The following IGF2BP1 variants were observed in gnomAD, a reference collection of about 807,000 sequenced individuals.
IGF2BP1 encodes insulin like growth factor 2 mRNA binding protein 1.
In IGF2BP1, 11 loss-of-function variants were observed where a neutral mutation model predicts 74.9. The observed-to-expected ratio is 0.15, with a 90% CI of 0.09 to 0.24. The LOEUF (loss-of-function observed/expected upper bound fraction) is 0.24, where lower values mean the gene tolerates loss of function less well. IGF2BP1 is among the 10% of genes least tolerant of loss of function. IGF2BP1 has a pLI of 1.00. For synonymous variants in IGF2BP1, 287 were observed against 281.8 expected (o/e 1.02, Z -0.18); for missense variants, 440 against 757.4 (o/e 0.58, Z 4.92).
chr17:49,020,173 A>G (rs983440678), intron 2 of IGF2BP1, among the ~76,000 whole-genome samples: 12 of 151,450 alleles, frequency 7.9e-5, no homozygotes, highest in Non-Finnish European at 1.5e-4. Context: ...GCTTCAAAGT[A>G]GCTGGGGTTA....
At chr17:49,001,679 A>G (rs1016285289) in intron 2 of IGF2BP1, among the ~76,000 whole-genome samples, 10 of 152,194 alleles carry the variant, frequency 6.6e-5, no homozygotes, top group African/African-American at 1.9e-4. Flanking sequence ...CACCATCTCA[A>G]ACCCCCTTAG....
In IGF2BP1 at chr17:49,051,157, TTTTG is replaced by T. The variant is rs2042162543; in HGVS notation, c.*1717_*1720del. The T allele has an allele frequency of 6.6e-6, 1 of 152,634 alleles. No individual in the cohort carries two copies. Among genetic ancestry groups the T allele is most frequent in the African/African-American group, 2.4e-5 (1 of 41,460 alleles). The allele number at this position is 152,634 out of a possible 1,614,324, so 9.5% of individuals were successfully genotyped here. A position where few individuals can be genotyped will look rare whatever the true frequency, so the allele number is the denominator to read the frequency against. ...CCCATTAAAAAAATTTTTTTTTGAT[TTTTG>T]TTTTTTTGCAGCTTGCTGATATTTT... On this transcript the variant is annotated 3_prime_UTR_variant, in exon 15 of 15. Coordinates refer to ENST00000290341, the MANE Select transcript of IGF2BP1 (RefSeq NM_006546.4).
chr17:49,043,797 G>T (rs1033850654), intron 10 of IGF2BP1, among the ~76,000 whole-genome samples, 170 bp from the exon 11 acceptor site: 2 of 152,180 alleles, frequency 1.3e-5, no homozygotes, highest in East Asian at 3.9e-4. Context: ...CTTCCCTTTA[G>T]CCCTACTGGG....
At chr17:49,032,043 C>T in intron 5 of IGF2BP1, 70 bp downstream of exon 5, 1 of 1,369,384 alleles carries the variant, frequency 7.3e-7, no homozygotes, top group South Asian at 1.2e-5. Flanking sequence ...TGAGCCTGGT[C>T]CCACTTTTTC....
At chr17:49,003,285 G>T (rs946082561) in intron 2 of IGF2BP1, among the ~76,000 whole-genome samples, 3 of 152,026 alleles carry the variant, frequency 2.0e-5, no homozygotes, top group Admixed American at 2.0e-4. Flanking sequence ...TACTTTTAAG[G>T]CTTACTTTTT....
chr17:48,999,067 C>A, intron 1 of IGF2BP1, 42 bp from the exon 2 acceptor site: 1 of 1,231,224 alleles, frequency 8.1e-7, no homozygotes, highest in Non-Finnish European at 1.2e-6. Flanking sequence ...CCCCCAACCC[C>A]TGTTCAAGCT....
Position 48,999,096 on chromosome 17 carries a change from T to C in IGF2BP1, c.176-13T>C. On this transcript the variant is annotated splice_polypyrimidine_tract_variant and intron_variant, in intron 1 of 14. Coordinates refer to ENST00000290341, the MANE Select transcript of IGF2BP1 (RefSeq NM_006546.4). ...TCAAGCTCTCATGGTAATTTTTTTT[T>C]TTTAATCTTTAGGGAAAGTAGAATT... is the stretch of plus-strand genomic sequence containing the variant. 1.3e-6 allele frequency: 2 copies of C among 1,538,042 alleles called. No individual in the cohort carries two copies. Among genetic ancestry groups the C allele is most frequent in the Non-Finnish European group, 1.8e-6 (2 of 1,113,880 alleles).
At chr17:49,004,786 C>G (rs954791225) in intron 2 of IGF2BP1, 2 of 152,210 alleles carry the variant, frequency 1.3e-5, no homozygotes, top group African/African-American at 4.8e-5. Context: ...TTCCTCTCCT[C>G]CCCTATACCT....
At position 48,997,668 on chromosome 17, in the gene IGF2BP1, C is replaced by T; in HGVS notation, c.-78C>T. ...GCTCCTGCCGCCGGCCTCTCCGCCT[C>T]TTGGCCTAGGAGGCTCGCCGCCCGC... On this transcript the variant is annotated 5_prime_UTR_variant, in exon 1 of 15. Transcript: ENST00000290341. The surrounding 1 kb of genome is among the most constrained non-coding windows in gnomAD (Gnocchi z 4.8). 2.0e-6 allele frequency: 3 copies of T among 1,491,882 alleles called. No homozygotes were observed. Among genetic ancestry groups the T allele is most frequent in the Admixed American group, 1.9e-5 (1 of 51,848 alleles). The allele number at this position is 1,491,882 out of a possible 1,614,324, so 92.4% of individuals were successfully genotyped here. A position where few individuals can be genotyped will look rare whatever the true frequency, so the allele number is the denominator to read the frequency against.
At chr17:49,006,195 G>T (rs1344006259) in intron 2 of IGF2BP1, among the ~76,000 whole-genome samples, 2 of 152,204 alleles carry the variant, frequency 1.3e-5, no homozygotes, top group African/African-American at 4.8e-5. Context: ...TTTAAGGGGA[G>T]AAATCAGAGA....
rs2042008550 is a variant in IGF2BP1 at position 49,038,025 on chromosome 17, GAGGTGGAGGTAGTGGGC to G, written c.402-137_402-121del. The G allele has an allele frequency of 1.5e-5, 9 of 612,108 alleles. No homozygotes were observed. The South Asian group carries it at 5.0e-4, about 34-fold the overall frequency. 37.9% of individuals were successfully genotyped at this position (612,108 alleles called of 1,614,324 possible). A position where few individuals can be genotyped will look rare whatever the true frequency, so the allele number is the denominator to read the frequency against. ...TTAGACTGGAAAGTTGTGAAAAATG[GAGGTGGAGGTAGTGGGC>G]AGGTGACTATCTCCTTTTCTTTAGT... On this transcript the variant is annotated intron_variant, in intron 5 of 14. Transcript: ENST00000290341.
chr17:48,998,351 A>G (rs1187422711), intron 1 of IGF2BP1, among the ~76,000 whole-genome samples: 3 of 152,078 alleles, frequency 2.0e-5, no homozygotes, highest in Admixed American at 6.5e-5. Context: ...AGGCCTTTCC[A>G]GGCGTGGAAG....
At chr17:49,010,692 T>TGG (rs1302248538) in intron 2 of IGF2BP1, among the ~76,000 whole-genome samples, 1 of 151,890 alleles carries the variant, frequency 6.6e-6, no homozygotes, top group Non-Finnish European at 1.5e-5. Flanking sequence ...TCTTTTCAGG[T>TGG]GGGGAAGTGA....
chr17:49,019,362 T>C (rs942050551), intron 2 of IGF2BP1, among the ~76,000 whole-genome samples: 1 of 152,176 alleles, frequency 6.6e-6, no homozygotes, highest in Non-Finnish European at 1.5e-5. Flanking sequence ...TTCTTTCGAA[T>C]AGAACACCAA....
chr17:49,022,158 G>A (rs1453317174), intron 2 of IGF2BP1, among the ~76,000 whole-genome samples: 1 of 152,098 alleles, frequency 6.6e-6, no homozygotes, highest in East Asian at 1.9e-4. Context: ...ACCAGTTAGG[G>A]TGCTCTTAGC....
In IGF2BP1 at chr17:49,021,604, C is replaced by T. The variant is rs558869817; in HGVS notation, c.237-4014C>T. Among the ~76,000 whole-genome samples the T allele has an allele frequency of 3.6e-4, 55 of 152,258 alleles. 1 individual carries two copies. The highest frequency in any genetic ancestry group is 1.7e-3 in the South Asian group (8 of 4,818). On this transcript the variant is annotated intron_variant, in intron 2 of 14. Transcript: ENST00000290341. ...CACCAGAAGCCACAGCATGTTGGCA[C>T]CCAGAAAAATAGGCTGGTGCAACTG...
At chr17:49,024,563 C>T (rs1394867836) in intron 2 of IGF2BP1, among the ~76,000 whole-genome samples, 1 of 152,116 alleles carries the variant, frequency 6.6e-6, no homozygotes, top group South Asian at 2.1e-4. Context: ...ACTTCAAGTA[C>T]TTACATTTTC....
intron 2 of IGF2BP1, among the ~76,000 whole-genome samples, chr17:49,008,771 A>G (rs2041581580): frequency 6.6e-6 from 1 of 152,156 alleles, no homozygotes; most frequent in Non-Finnish European, 1.5e-5. Context: ...TAAAAAATAT[A>G]TATTTACAAT....
intron 6 of IGF2BP1, among the ~76,000 whole-genome samples, chr17:49,038,881 T>C (rs1410744025): frequency 1.3e-5 from 2 of 149,866 alleles, no homozygotes; most frequent in African/African-American, 2.5e-5. Context: ...TTAATATTTT[T>C]TTTTTTTTTT....
Sources: gnomAD v4.1 joint callset for allele counts (sites outside exome capture counted in the v4.1 genomes callset) on GRCh38, gnomAD v4.1.1 for gene constraint, Gnocchi (gnomAD v3.1) non-coding constraint, MANE v1.5 for transcripts, NCBI Gene and HGNC (gene_info 2026-07-23, HGNC 2026-07-21) for gene names.